The following ZNF385B variants were observed in gnomAD, a reference collection of about 807,000 sequenced individuals.
ZNF385B encodes the protein zinc finger protein 533.
A neutral mutation model predicts 39.2 loss-of-function variants in ZNF385B; 23 were observed. That is an observed-to-expected ratio of 0.59 (90% CI 0.42 to 0.83). The LOEUF (loss-of-function observed/expected upper bound fraction) is 0.83. Among genes scored for constraint, ZNF385B ranks in the 40% least tolerant of loss-of-function variants. The pLI is 0.00. For synonymous variants in ZNF385B, 205 were observed against 222.6 expected (o/e 0.92, Z 0.70); for missense variants, 552 against 598.9 (o/e 0.92, Z 0.82).
At chr2:179,491,512 C>T (rs2055226353) in intron 5 of ZNF385B, among the ~76,000 whole-genome samples, 1 of 151,924 alleles carries the variant, frequency 6.6e-6, no homozygotes, top group Non-Finnish European at 1.5e-5. Flanking sequence ...CTTTGTTATA[C>T]CAGAGTGAGA....
chr2:179,652,163 T>C (rs1693252014), intron 3 of ZNF385B, among the ~76,000 whole-genome samples: 1 of 152,148 alleles, frequency 6.6e-6, no homozygotes, highest in Non-Finnish European at 1.5e-5. Flanking sequence ...AAAGAGTCCA[T>C]AGCTACCGTT....
chr2:179,443,008 G>C lies in ZNF385B; in HGVS notation c.*242C>G, dbSNP rs943766498. 1.5e-5 allele frequency: 9 copies of C among 590,104 alleles called. No homozygotes were observed. Among genetic ancestry groups the C allele is most frequent in the Non-Finnish European group, 2.7e-5 (9 of 330,970 alleles). The allele number at this position is 590,104 out of a possible 1,614,324, so 36.6% of individuals were successfully genotyped here. A position where few individuals can be genotyped will look rare whatever the true frequency, so the allele number is the denominator to read the frequency against. ...TGAGATACACAAATTGAACGCGGTA[G>C]GGTGGGGGAGGAAGTAGGGAGATAA... On this transcript the variant is annotated 3_prime_UTR_variant, in exon 10 of 10. Transcript: ENST00000410066.
chr2:179,843,429 AT>A (rs989717946), intron 1 of ZNF385B, among the ~76,000 whole-genome samples: 1 of 152,234 alleles, frequency 6.6e-6, no homozygotes, highest in African/African-American at 2.4e-5. Flanking sequence ...GAAAAATAGA[AT>A]ATTTTTTAAG....
chr2:179,622,674 C>T (rs2106165270), intron 3 of ZNF385B, among the ~76,000 whole-genome samples: 1 of 152,270 alleles, frequency 6.6e-6, no homozygotes, highest in Non-Finnish European at 1.5e-5. Context: ...AATTTTTAAT[C>T]ACAACTAGTT....
At chr2:179,706,903 C>T (rs970037055) in intron 3 of ZNF385B, among the ~76,000 whole-genome samples, 21 of 152,170 alleles carry the variant, frequency 1.4e-4, no homozygotes, top group African/African-American at 4.6e-4. Flanking sequence ...GAGACCCTGG[C>T]TTGTTGGGTA....
chr2:179,652,659 G>C (rs937880299), intron 3 of ZNF385B, among the ~76,000 whole-genome samples: 1 of 152,084 alleles, frequency 6.6e-6, no homozygotes, highest in Non-Finnish European at 1.5e-5. Flanking sequence ...CTTTTAGCTA[G>C]ATGAGCAGAA....
intron 3 of ZNF385B, among the ~76,000 whole-genome samples, chr2:179,595,717 C>A (rs1352227289): frequency 6.6e-6 from 1 of 151,132 alleles, no homozygotes; most frequent in Non-Finnish European, 1.5e-5. Flanking sequence ...TCTTGACCTC[C>A]TGGGCTCCAG....
rs141234654 is a variant in ZNF385B, at chr2:179,660,819, G to A, written c.298+108684C>T. The stretch of plus-strand genomic sequence containing the variant: ...CAAAAGAAGAATACATAGCATGCAA[G>A]CCAGCACTAAAGCCAATGAGATGAA... On this transcript the variant is annotated intron_variant, in intron 3 of 9. Transcript: ENST00000410066. Among the ~76,000 whole-genome samples the A allele has an allele frequency of 3.4e-3, 522 of 152,292 alleles. 2 individuals are homozygous for A. The highest frequency in any genetic ancestry group is 0.011 in the African/African-American group (472 of 41,560).
At position 179,792,370 on chromosome 2, in the gene ZNF385B, C is replaced by CTTTTTTTTTTTTTTTTTTTTTTTTTTTTT. The variant is rs1346808450; in HGVS notation, c.-154-21699_-154-21698insAAAAAAAAAAAAAAAAAAAAAAAAAAAAA. On this transcript the variant is annotated intron_variant, in intron 1 of 9. Transcript: ENST00000410066. ...CTGAAGAAGTAGGCCATTTCATTTT[C>CTTTTTTTTTTTTTTTTTTTTTTTTTTTTT]TTTTCTTTTTTTTTTTTTTTTGAGA... is the stretch of plus-strand genomic sequence containing the variant. Among the ~76,000 whole-genome samples, 3 of 70,692 alleles carry CTTTTTTTTTTTTTTTTTTTTTTTTTTTTT rather than the reference C, an allele frequency of 4.2e-5. 1 individual carries two copies. Among genetic ancestry groups the CTTTTTTTTTTTTTTTTTTTTTTTTTTTTT allele is most frequent in the Non-Finnish European group, 8.2e-5 (3 of 36,762 alleles). 46.4% of individuals were successfully genotyped at this position (70,692 alleles called of 152,430 possible).
At chr2:179,452,273 G>A (rs566622546) in intron 6 of ZNF385B, among the ~76,000 whole-genome samples, 2 of 152,118 alleles carry the variant, frequency 1.3e-5, no homozygotes, top group South Asian at 2.1e-4. Context: ...CACTTCATAA[G>A]CCATGTAAAG....
At chr2:179,656,501 C>A (rs1222482408) in intron 3 of ZNF385B, among the ~76,000 whole-genome samples, 1 of 152,118 alleles carries the variant, frequency 6.6e-6, no homozygotes, top group Non-Finnish European at 1.5e-5. Flanking sequence ...AGCAGCTAAT[C>A]ATATTTGATG....
intron 3 of ZNF385B, among the ~76,000 whole-genome samples, chr2:179,612,276 G>T (rs1115013): frequency 0.33 from 50,068 of 151,680 alleles, 8,546 homozygotes; most frequent in Middle Eastern, 0.45. Flanking sequence ...GCCTTAATGC[G>T]TGTGGATGTT....
At position 179,463,137 on chromosome 2, in the gene ZNF385B, CA is replaced by C. The variant is rs557212698; in HGVS notation, c.716-16368del. ...TACACATCAATCAGTGTGTATAGTC[CA>C]TGCAGATAAAACTTCTGCATGGAAG... is the stretch of plus-strand genomic sequence containing the variant. On this transcript the variant is annotated intron_variant, in intron 6 of 9. Coordinates refer to ENST00000410066, the MANE Select transcript of ZNF385B (RefSeq NM_152520.6). 2.7e-4 allele frequency among the ~76,000 whole-genome samples: 41 copies of C among 151,852 alleles called. No homozygotes were observed. The Middle Eastern group carries it at 0.01, about 38-fold the overall frequency.
intron 3 of ZNF385B, among the ~76,000 whole-genome samples, chr2:179,593,770 T>C (rs1178610896): frequency 2.0e-5 from 3 of 152,220 alleles, no homozygotes; most frequent in Admixed American, 6.5e-5. Flanking sequence ...AGGGTGACGA[T>C]GTAATTTATT....
At chr2:179,558,912 C>T (rs1021993996) in intron 3 of ZNF385B, among the ~76,000 whole-genome samples, 31 of 152,226 alleles carry the variant, frequency 2.0e-4, no homozygotes, top group African/African-American at 7.2e-4. Context: ...GTATGGGGTG[C>T]CTGATCTGGC....
Position 179,757,380 on chromosome 2 carries a change from G to T in ZNF385B, c.298+12123C>A, listed in dbSNP as rs958696388. Among the ~76,000 whole-genome samples the T allele has an allele frequency of 2.0e-5, 3 of 152,196 alleles. No individual in the cohort carries two copies. In the East Asian group the frequency reaches 5.8e-4, roughly 29 times the overall value. ...AGGTGTCAGTCTGCCCCTACTGGGG[G>T]GTGCCTCCCAGTTAGGCTACTCGGG... On this transcript the variant is annotated intron_variant, in intron 3 of 9. Transcript: ENST00000410066.
chr2:179,443,347 G>A lies in ZNF385B; in HGVS notation c.1364C>T (p.Ser455Leu), dbSNP rs1185975263. 2.5e-6 allele frequency: 4 copies of A among 1,612,752 alleles called. No individual in the cohort carries two copies. The highest frequency in any genetic ancestry group is 1.7e-5 in the Admixed American group (1 of 59,948). ...AGGAATGGCTGGAGCCTGGAAGAGCGAGGCAGAGGGCCGGGGTGGGAGTGA... is the reference window on the plus strand; with the variant it reads ...AGGAATGGCTGGAGCCTGGAAGAGCAAGGCAGAGGGCCGGGGTGGGAGTGA... ...ALSLPPRPSA[S>L]LFQAPAIPPA... The change falls in exon 10 of 10, where the codon TCG becomes TTG. Residue 455 changes from serine (S) to leucine (L), a missense_variant. By Grantham distance (145) the Ser-to-Leu change is moderately radical. Transcript: ENST00000410066.
intron 1 of ZNF385B, among the ~76,000 whole-genome samples, chr2:179,774,304 A>T (rs543559716): frequency 2.6e-5 from 4 of 151,808 alleles, no homozygotes; most frequent in Admixed American, 2.6e-4. Flanking sequence ...TGGTATGGGC[A>T]TGGGTGTATA....
intron 3 of ZNF385B, among the ~76,000 whole-genome samples, chr2:179,682,385 C>G (rs1277257834): frequency 6.6e-6 from 1 of 152,220 alleles, no homozygotes; most frequent in Admixed American, 6.5e-5. Context: ...CCTGTTATAA[C>G]TGCAAAGTAA....
Sources: gnomAD v4.1 joint callset for allele counts (sites outside exome capture counted in the v4.1 genomes callset) on GRCh38, gnomAD v4.1.1 for gene constraint, MANE v1.5 for transcripts, NCBI Gene and HGNC (gene_info 2026-07-23, HGNC 2026-07-21) for gene names.